The following RBFOX1 variants were observed in gnomAD, a reference collection of about 807,000 sequenced individuals.
RBFOX1 encodes RNA binding fox-1 homolog 1.
In RBFOX1, 8 loss-of-function variants were observed where a neutral mutation model predicts 57.7. The observed-to-expected ratio is 0.14, with a 90% CI of 0.08 to 0.25. RBFOX1 has a LOEUF of 0.25. Among genes scored for constraint, RBFOX1 ranks in the 10% least tolerant of loss-of-function variants. RBFOX1 has a pLI of 1.00. For synonymous variants in RBFOX1, 326 were observed against 222.4 expected (o/e 1.47, Z -4.15); for missense variants, 611 against 548.5 (o/e 1.11, Z -1.14).
rs2085170618 is a variant in RBFOX1, at chr16:6,345,121, A to G, written c.-64+28064A>G. Among the ~76,000 whole-genome samples the G allele has an allele frequency of 2.0e-5, 3 of 152,264 alleles. No individual in the cohort carries two copies. In the South Asian group the frequency reaches 6.2e-4, roughly 32 times the overall value. On this transcript the variant is annotated intron_variant, in intron 2 of 15. Transcript: ENST00000550418. ...GAAGCAAAGCATTCTCCTGTTTGCC[A>G]CTTCCTTGTTCTCTCCTAGGTAGAC...
chr16:6,457,348 C>A (rs1257394189), intron 2 of RBFOX1, among the ~76,000 whole-genome samples: 1 of 151,334 alleles, frequency 6.6e-6, no homozygotes, highest in African/African-American at 2.4e-5. Flanking sequence ...ATGATAGACT[C>A]AAGAAGTACT....
At chr16:6,683,063 G>C (rs1022547947) in intron 3 of RBFOX1, among the ~76,000 whole-genome samples, 10 of 152,020 alleles carry the variant, frequency 6.6e-5, no homozygotes, top group Admixed American at 2.6e-4. Flanking sequence ...GAATGCGTGT[G>C]ATACAACATG....
chr16:6,659,383 G>A (rs1301597992), intron 3 of RBFOX1, among the ~76,000 whole-genome samples: 4 of 152,122 alleles, frequency 2.6e-5, no homozygotes, highest in Non-Finnish European at 5.9e-5. Flanking sequence ...GGGTCCAATT[G>A]AAGGTGCGAT....
At chr16:6,568,526 CCATGT>C (rs1567714330) in intron 2 of RBFOX1, among the ~76,000 whole-genome samples, 1 of 152,126 alleles carries the variant, frequency 6.6e-6, no homozygotes, top group Non-Finnish European at 1.5e-5. Context: ...ATCACTTCTG[CCATGT>C]TCCATTGGAA....
intron 1 of RBFOX1, among the ~76,000 whole-genome samples, chr16:6,311,295 C>CAAAAAAAAAAAA (rs71145210): frequency 2.2e-5 from 2 of 91,226 alleles, no homozygotes; most frequent in Non-Finnish European, 2.0e-5. Flanking sequence ...GACTCTGTCT[C>CAAAAAAAAAAAA]AAAAAAAAAA....
At chr16:6,527,107 A>C (rs1458005812) in intron 2 of RBFOX1, among the ~76,000 whole-genome samples, 1 of 152,134 alleles carries the variant, frequency 6.6e-6, no homozygotes, top group Non-Finnish European at 1.5e-5. Flanking sequence ...TTCTTTTTAA[A>C]TTATTTTATT....
intron 3 of RBFOX1, among the ~76,000 whole-genome samples, chr16:6,939,383 ATG>A (rs139095238): frequency 2.2e-4 from 33 of 149,400 alleles, no homozygotes; most frequent in Middle Eastern, 6.9e-3. Flanking sequence ...ATATATGTGT[ATG>A]TGTGTGTGTG....
chr16:7,695,239 GAAAAA>G (rs1250845437), intron 14 of RBFOX1, among the ~76,000 whole-genome samples: 3 of 152,110 alleles, frequency 2.0e-5, no homozygotes, highest in Non-Finnish European at 4.4e-5. Context: ...AATGAAGCAT[GAAAAA>G]GGAGACACCC....
chr16:6,804,837 C>G (rs929882992), intron 3 of RBFOX1, among the ~76,000 whole-genome samples: 22 of 152,132 alleles, frequency 1.4e-4, no homozygotes, highest in Non-Finnish European at 2.4e-4. Context: ...AAAGTATTGG[C>G]AGTTATGTCC....
chr16:7,099,065 C>G lies in RBFOX1; in HGVS notation c.27+46967C>G, dbSNP rs1378892381. On this transcript the variant is annotated intron_variant, in intron 4 of 15. Transcript: ENST00000550418. Reference sequence around the variant, plus strand: ...TTCACAAACTATCCTTGCATAGTATCTTTCTCAAACAGTTATGGTGAAAGT... The same window carrying G: ...TTCACAAACTATCCTTGCATAGTATGTTTCTCAAACAGTTATGGTGAAAGT... 2.0e-5 allele frequency among the ~76,000 whole-genome samples: 3 copies of G among 152,126 alleles called. No homozygotes were observed. The East Asian group carries it at 5.8e-4, about 29-fold the overall frequency.
intron 1 of RBFOX1, among the ~76,000 whole-genome samples, chr16:6,215,458 G>A (rs547512896): frequency 2.4e-4 from 36 of 151,522 alleles, no homozygotes; most frequent in Non-Finnish European, 4.4e-4. Context: ...GAAAGGAAGA[G>A]AGGGAGAGGG....
At chr16:7,189,054 C>T (rs908663487) in intron 4 of RBFOX1, among the ~76,000 whole-genome samples, 1 of 151,926 alleles carries the variant, frequency 6.6e-6, no homozygotes, top group Non-Finnish European at 1.5e-5. Flanking sequence ...AGTGATTTCT[C>T]GAAAAGGAAT....
At chr16:7,569,947 T>TATACTTGA (rs2092601248) in intron 5 of RBFOX1, among the ~76,000 whole-genome samples, 1 of 152,058 alleles carries the variant, frequency 6.6e-6, no homozygotes. Flanking sequence ...TTGTTATTAG[T>TATACTTGA]TTGTTTGGGG....
intron 3 of RBFOX1, among the ~76,000 whole-genome samples, chr16:6,971,595 T>TA (rs2085559967): frequency 6.6e-6 from 1 of 152,072 alleles, no homozygotes; most frequent in South Asian, 2.1e-4. Context: ...CACCAGCTGT[T>TA]ACATGGAATA....
At chr16:6,988,611 C>A (rs751174169) in intron 3 of RBFOX1, among the ~76,000 whole-genome samples, 1 of 151,358 alleles carries the variant, frequency 6.6e-6, no homozygotes, top group South Asian at 2.1e-4. Context: ...CTTGCTCTGT[C>A]CCCTAGGCTG....
intron 1 of RBFOX1, among the ~76,000 whole-genome samples, chr16:5,257,554 G>T (rs1348392944): frequency 6.6e-6 from 1 of 152,184 alleles, no homozygotes; most frequent in African/African-American, 2.4e-5. Flanking sequence ...GTTTGCAAAG[G>T]CTCGCAGGTG....
intron 2 of RBFOX1, among the ~76,000 whole-genome samples, chr16:6,446,355 T>G (rs2094485640): frequency 6.6e-6 from 1 of 152,170 alleles, no homozygotes; most frequent in Admixed American, 6.5e-5. Context: ...TCAAAAGTTT[T>G]AAGATTCCCA....
rs200964435 is a variant in RBFOX1, at chr16:6,220,956, C to CTG, written c.-126-96025_-126-96024dup. 7.9e-3 allele frequency among the ~76,000 whole-genome samples: 1,197 copies of CTG among 151,376 alleles called. 14 individuals are homozygous for CTG. Among genetic ancestry groups the CTG allele is most frequent in the African/African-American group, 0.027 (1,131 of 41,284 alleles). On this transcript the variant is annotated intron_variant, in intron 1 of 15. Coordinates refer to ENST00000550418, the MANE Select transcript of RBFOX1 (RefSeq NM_018723.4). ...TGTAATGGCTATCAAATACTTCACT[C>CTG]TGTGTGTGTGTGTGTATGTGTGTGT...
intron 4 of RBFOX1, among the ~76,000 whole-genome samples, chr16:7,224,912 G>T (rs1472250839): frequency 2.6e-5 from 4 of 152,166 alleles, no homozygotes; most frequent in African/African-American, 9.7e-5. Flanking sequence ...TTGAGTTAGA[G>T]AAGCACTGTC....
Sources: gnomAD v4.1 joint callset for allele counts (sites outside exome capture counted in the v4.1 genomes callset) on GRCh38, gnomAD v4.1.1 for gene constraint, MANE v1.5 for transcripts, NCBI Gene and HGNC (gene_info 2026-07-23, HGNC 2026-07-21) for gene names.